LRPPRC: variants seen among roughly 807,000 people sequenced by gnomAD.
LRPPRC encodes the protein leucine rich pentatricopeptide repeat containing, also known as leucine-rich PPR motif-containing protein, mitochondrial.
Under a neutral mutation model 180.3 loss-of-function variants are expected in LRPPRC, and 120 were observed. The ratio of observed to expected loss-of-function variants is 0.67; its 90% CI spans 0.57 to 0.77. LRPPRC has a LOEUF of 0.77. LRPPRC is among the 30% of genes least tolerant of loss of function. The pLI, the probability that LRPPRC is intolerant of heterozygous loss-of-function variation, is 0.00. For missense variants in LRPPRC, 2,012 were observed against 1,657.2 expected, an observed-to-expected ratio of 1.21 and a Z score of -3.72; for synonymous variants, 723 against 600.0, an observed-to-expected ratio of 1.21 and a Z score of -3.00.
In LRPPRC at chr2:43,937,862, G is replaced by A. The variant is rs527281830; in HGVS notation, c.2505-2984C>T. 6.6e-5 allele frequency among the ~76,000 whole-genome samples: 10 copies of A among 152,262 alleles called. No homozygotes were observed. The South Asian group carries it at 2.1e-3, about 32-fold the overall frequency. ...TATCAAAAGGAGAAAGGTAAAAATTGCTTTACAACCAAAATGTGGGACAAC... is the reference window on the plus strand; with the variant it reads ...TATCAAAAGGAGAAAGGTAAAAATTACTTTACAACCAAAATGTGGGACAAC... On this transcript the variant is annotated intron_variant, in intron 23 of 37. Transcript: ENST00000260665.
intron 31 of LRPPRC, chr2:43,904,356 C>T (rs1047764863): frequency 6.6e-6 from 1 of 152,050 alleles, no homozygotes; most frequent in African/African-American, 2.4e-5. Context: ...ATTAAAGCTG[C>T]ACAATTAAAC....
intron 25 of LRPPRC, among the ~76,000 whole-genome samples, chr2:43,931,462 G>A (rs907414590): frequency 1.1e-4 from 17 of 152,164 alleles, no homozygotes; most frequent in Non-Finnish European, 1.8e-4. Flanking sequence ...TAAGAGTTCT[G>A]AGAGGCAGAA....
intron 11 of LRPPRC, among the ~76,000 whole-genome samples, chr2:43,967,173 A>AAGCCAAGGTG (rs1323012227): frequency 6.6e-6 from 1 of 152,104 alleles, no homozygotes; most frequent in Non-Finnish European, 1.5e-5. Context: ...CCAAGGTGGG[A>AAGCCAAGGTG]GGATTGCTTG....
At chr2:43,961,838 G>A (rs919227844) in intron 12 of LRPPRC, among the ~76,000 whole-genome samples, 61 of 152,156 alleles carry the variant, frequency 4.0e-4, no homozygotes, top group African/African-American at 1.4e-3. Flanking sequence ...GTGGGCACCT[G>A]TAATCCCAGC....
At position 43,948,216 on chromosome 2, in the gene LRPPRC, G is replaced by A. The variant is rs1258581197; in HGVS notation, c.1843-17C>T. ...TTTTACATTCTGTGAGAAGGGAAGG[G>A]AGGGGGGAAAAAACCTGAGTTTTAG... On this transcript the variant is annotated splice_polypyrimidine_tract_variant and intron_variant, in intron 17 of 37. Transcript: ENST00000260665. The A allele has an allele frequency of 7.0e-6, 10 of 1,438,632 alleles. No individual in the cohort carries two copies. Among genetic ancestry groups the A allele is most frequent in the South Asian group, 1.1e-5 (1 of 87,546 alleles). The allele number at this position is 1,438,632 out of a possible 1,614,324, so 89.1% of individuals were successfully genotyped here.
intron 31 of LRPPRC, among the ~76,000 whole-genome samples, chr2:43,905,298 A>G (rs1047254077): frequency 3.3e-5 from 5 of 152,236 alleles, no homozygotes; most frequent in Admixed American, 1.3e-4. Context: ...GCAAGAAACA[A>G]CTGCTGGGAA....
At chr2:43,966,032 T>C (rs1673541081) in intron 11 of LRPPRC, among the ~76,000 whole-genome samples, 1 of 152,200 alleles carries the variant, frequency 6.6e-6, no homozygotes, top group Non-Finnish European at 1.5e-5. Flanking sequence ...CATCCCAGCA[T>C]TATTCACAGT....
intron 13 of LRPPRC, 113 bp from the exon 14 acceptor site, chr2:43,957,564 T>A: frequency 1.3e-6 from 1 of 782,508 alleles, no homozygotes; most frequent in South Asian, 1.6e-5. Context: ...ATTTTGGAAA[T>A]TGTATTTAAA....
chr2:43,974,664 T>C lies in LRPPRC; in HGVS notation c.959A>G (p.Tyr320Cys). Residue 320 changes from tyrosine (Y) to cysteine (C), a missense_variant, in exon 8 of 38, where the codon TAT becomes TGT. Transcript: ENST00000260665. ...AACTTTTTCCAAAATTTCTGAGACA[T>C]ACTGAGGATACCCAGCTTTACTGAA... ...FSFSKAGYPQ[Y>C]VSEILEKVTC... is the part of the protein sequence containing the mutation. 6.2e-7 allele frequency: 1 copy of C among 1,611,398 alleles called. No individual in the cohort carries two copies. Among genetic ancestry groups the C allele is most frequent in the South Asian group, 1.1e-5 (1 of 91,002 alleles).
chr2:43,936,714 T>A (rs1672291247), intron 23 of LRPPRC, among the ~76,000 whole-genome samples: 1 of 152,190 alleles, frequency 6.6e-6, no homozygotes, highest in Non-Finnish European at 1.5e-5. Context: ...CTTATCCCCT[T>A]ACTAAGCCCT....
intron 29 of LRPPRC, 138 bp downstream of exon 29, chr2:43,917,887 G>A: frequency 1.6e-6 from 1 of 644,854 alleles, no homozygotes; most frequent in Non-Finnish European, 2.8e-6. Context: ...TTAAAGTATG[G>A]AAGGGGACAA....
intron 23 of LRPPRC, among the ~76,000 whole-genome samples, chr2:43,942,276 T>C (rs1319349957): frequency 2.0e-5 from 3 of 152,186 alleles, no homozygotes; most frequent in African/African-American, 7.2e-5. Flanking sequence ...ACTGGGCCCA[T>C]TTCTTTCAAA....
At chr2:43,983,838 C>T (rs938317506) in intron 1 of LRPPRC, among the ~76,000 whole-genome samples, 1 of 152,034 alleles carries the variant, frequency 6.6e-6, no homozygotes, top group Non-Finnish European at 1.5e-5. Flanking sequence ...TTATATAAAA[C>T]GAGGCTGTAA....
At chr2:43,996,166 C>G (rs1360407780), upstream of LRPPRC, among the ~76,000 whole-genome samples, 1 of 152,206 alleles carries the variant, frequency 6.6e-6, no homozygotes, top group African/African-American at 2.4e-5. Context: ...GATTCATTAT[C>G]GAAGCTTTTC....
chr2:43,974,133 A>G lies in LRPPRC; in HGVS notation c.1155+17T>C, dbSNP rs1319259273. On this transcript the variant is annotated intron_variant, in intron 9 of 37. Coordinates refer to ENST00000260665, the MANE Select transcript of LRPPRC (RefSeq NM_133259.4). ...CTGCCAATTACATTGTCTACAAAGT[A>G]AAAGTGGACAGAATACCGTATTCAT... 6.2e-7 allele frequency: 1 copy of G among 1,609,996 alleles called. No individual in the cohort carries two copies. The highest frequency in any genetic ancestry group is 8.5e-7 in the Non-Finnish European group (1 of 1,176,174).
chr2:43,995,071 T>C (rs1224878569), intron 1 of LRPPRC, among the ~76,000 whole-genome samples: 1 of 151,988 alleles, frequency 6.6e-6, no homozygotes, highest in East Asian at 1.9e-4. Flanking sequence ...TGAAACCCAG[T>C]CTCTACTAAA....
chr2:43,941,319 G>T (rs144146123), intron 23 of LRPPRC, among the ~76,000 whole-genome samples: 1 of 152,112 alleles, frequency 6.6e-6, no homozygotes, highest in African/African-American at 2.4e-5. Context: ...ATTACAACAC[G>T]AAAGTGATAT....
At position 43,973,803 on chromosome 2, in the gene LRPPRC, T is replaced by G. The variant is rs373908553; in HGVS notation, c.1253A>C (p.Asn418Thr). The change falls in exon 10 of 38, where the codon AAT (asparagine) becomes ACT (threonine). Residue 418 changes from asparagine to threonine, a missense_variant. By Grantham distance (65) the Asn-to-Thr change is moderately conservative. Coordinates refer to ENST00000260665, the MANE Select transcript of LRPPRC (RefSeq NM_133259.4). Reference protein sequence around the residue: ...QFTLHCALLANKTDLAKALMK... With the variant: ...QFTLHCALLATKTDLAKALMK... ...CTTTAAGAATGTAGTACCAGTTTTA[T>G]TGGCGAGTAAAGCACAATGGAGGGT... is the stretch of plus-strand genomic sequence containing the variant. 1.2e-5 allele frequency: 19 copies of G among 1,613,236 alleles called. No individual in the cohort carries two copies. The highest frequency in any genetic ancestry group is 1.7e-5 in the Admixed American group (1 of 60,006).
intron 27 of LRPPRC, 114 bp from the exon 28 acceptor site, chr2:43,918,512 C>G: frequency 1.2e-6 from 1 of 859,476 alleles, no homozygotes; most frequent in South Asian, 1.5e-5. Context: ...CCAAATGCTG[C>G]CTTTAGGGAA....
Sources: allele counts gnomAD v4.1 joint callset (sites outside exome capture counted in the v4.1 genomes callset), GRCh38; gene constraint gnomAD v4.1.1; transcripts MANE v1.5; gene names NCBI Gene and HGNC (gene_info 2026-07-23, HGNC 2026-07-21).